Variants in RAB5A observed in about 807,000 individuals in gnomAD.
The protein encoded by RAB5A is RAB5A, member RAS oncogene family, also known as ras-related protein Rab-5A.
In RAB5A, 8 loss-of-function variants were observed where a neutral mutation model predicts 25.7. The ratio of observed to expected loss-of-function variants is 0.31; its 90% CI spans 0.18 to 0.56. The LOEUF is 0.56. Among genes scored for constraint, RAB5A ranks in the 20% least tolerant of loss-of-function variants. The probability of loss-of-function intolerance (pLI) is 0.91; values close to 1 mark genes in which losing one functional copy is unlikely to be tolerated. For missense variants in RAB5A, 192 were observed against 259.7 expected, an observed-to-expected ratio of 0.74 and a Z score of 1.79; for synonymous variants, 98 against 89.8, an observed-to-expected ratio of 1.09 and a Z score of -0.52.
rs184391614 is a variant in RAB5A, at chr3:19,976,172, A to G, written c.438+3A>G. 1.9e-5 allele frequency: 30 copies of G among 1,603,130 alleles called. No homozygotes were observed. The East Asian group carries it at 6.3e-4, about 34-fold the overall frequency. ...ATAAAAGAGCAGTAGATTTCCAGGT[A>G]TGTTAAATTTAACTCTCATTTGAAA... is the stretch of plus-strand genomic sequence containing the variant. On this transcript the variant is annotated splice_donor_region_variant and intron_variant, in intron 4 of 5. Coordinates refer to ENST00000273047, the MANE Select transcript of RAB5A (RefSeq NM_004162.5).
rs3736124 is a variant in RAB5A at position 19,983,931 on chromosome 3, T to C, written c.*108T>C. The C allele has an allele frequency of 3.5e-3, 2,612 of 744,172 alleles. 51 individuals carry two copies. In the East Asian group the frequency reaches 0.045, roughly 13 times the overall value. 46.1% of individuals were successfully genotyped at this position (744,172 alleles called of 1,614,324 possible). On this transcript the variant is annotated 3_prime_UTR_variant, in exon 6 of 6. Coordinates refer to ENST00000273047, the MANE Select transcript of RAB5A (RefSeq NM_004162.5). ...TATGACTTCCAAAAGAAGAGACTTA[T>C]GATAGAGTCAAGTTTCTAATACAGA...
At chr3:19,971,857 T>A (rs1307495743) in intron 2 of RAB5A, among the ~76,000 whole-genome samples, 1 of 152,198 alleles carries the variant, frequency 6.6e-6, no homozygotes, top group Non-Finnish European at 1.5e-5. Context: ...TTGTGAAATA[T>A]CTATTTTTTC....
chr3:19,947,301 A>G lies in RAB5A; in HGVS notation c.-314A>G, dbSNP rs1394785887. 2 of 173,658 alleles carry G rather than the reference A, an allele frequency of 1.2e-5. No homozygotes were observed. Among genetic ancestry groups the G allele is most frequent in the East Asian group, 1.8e-4 (1 of 5,464 alleles). The allele number at this position is 173,658 out of a possible 1,614,324, so 10.8% of individuals were successfully genotyped here. Reference sequence around the variant, plus strand: ...CGGCGGCGGCGGAGGAGGAGAAAGGAAAGAGGAAGGGGGAGCGGCGAGAGG... The same window carrying G: ...CGGCGGCGGCGGAGGAGGAGAAAGGGAAGAGGAAGGGGGAGCGGCGAGAGG... On this transcript the variant is annotated 5_prime_UTR_variant, in exon 1 of 6. Coordinates refer to ENST00000273047, the MANE Select transcript of RAB5A (RefSeq NM_004162.5).
intron 2 of RAB5A, among the ~76,000 whole-genome samples, chr3:19,953,903 A>G (rs891011258): frequency 5.9e-5 from 9 of 152,230 alleles, no homozygotes; most frequent in African/African-American, 9.6e-5. Flanking sequence ...GAGCTATTTC[A>G]TGATCAACCT....
intron 1 of RAB5A, among the ~76,000 whole-genome samples, chr3:19,949,754 T>C (rs2125177077): frequency 6.6e-6 from 1 of 152,286 alleles, no homozygotes; most frequent in South Asian, 2.1e-4. Context: ...TAAAAAATAA[T>C]GGCCTGCAGG....
At chr3:19,975,174 TGA>T (rs1696805191) in intron 2 of RAB5A, among the ~76,000 whole-genome samples, 1 of 148,286 alleles carries the variant, frequency 6.7e-6, no homozygotes, top group Non-Finnish European at 1.5e-5. Flanking sequence ...TGCAGTGAGC[TGA>T]GATCACGCCC....
chr3:19,962,506 T>G (rs1575070588), intron 2 of RAB5A, among the ~76,000 whole-genome samples: 1 of 151,888 alleles, frequency 6.6e-6, no homozygotes, highest in Non-Finnish European at 1.5e-5. Flanking sequence ...GAGGTGGAGG[T>G]TGTGGTAAGC....
chr3:19,970,132 C>G (rs1432469946), intron 2 of RAB5A, among the ~76,000 whole-genome samples: 1 of 151,256 alleles, frequency 6.6e-6, no homozygotes, highest in Admixed American at 6.6e-5. Context: ...GAATTCCAGA[C>G]CTTGTGATCC....
intron 2 of RAB5A, among the ~76,000 whole-genome samples, chr3:19,954,516 T>C (rs1054834635): frequency 6.6e-6 from 1 of 152,194 alleles, no homozygotes; most frequent in African/African-American, 2.4e-5. Context: ...TACAATAACT[T>C]GATTTACGAA....
intron 5 of RAB5A, among the ~76,000 whole-genome samples, chr3:19,979,467 A>G (rs1305350153): frequency 1.3e-5 from 2 of 150,468 alleles, no homozygotes; most frequent in East Asian, 3.9e-4. Context: ...TTGTATTTTT[A>G]GTAGAGACGG....
chr3:19,949,565 T>TC (rs1291574515), intron 1 of RAB5A, among the ~76,000 whole-genome samples: 3 of 152,160 alleles, frequency 2.0e-5, no homozygotes, highest in Non-Finnish European at 4.4e-5. Flanking sequence ...AGAGAGGGAA[T>TC]CATCAGGTTT....
In RAB5A at chr3:19,983,799, C is replaced by A; in HGVS notation, c.624C>A (p.Thr208=). ...ACCTTACCGAACCCACACAACCAAC[C>A]AGGAATCAGTGTTGTAGTAACTAAA... ...GVDLTEPTQP[T]RNQCCSN is the part of the protein sequence containing the mutation. The change falls in exon 6 of 6, where the codon ACC becomes ACA. Residue 208 remains threonine, a synonymous_variant. Transcript: ENST00000273047. The A allele has an allele frequency of 1.2e-6, 2 of 1,608,392 alleles. No individual in the cohort carries two copies. Among genetic ancestry groups the A allele is most frequent in the Non-Finnish European group, 1.7e-6 (2 of 1,175,602 alleles).
intron 2 of RAB5A, among the ~76,000 whole-genome samples, chr3:19,969,794 G>A (rs1696718246): frequency 6.6e-6 from 1 of 152,030 alleles, no homozygotes; most frequent in Non-Finnish European, 1.5e-5. Context: ...GTTATGGGGT[G>A]GCGGTTACTT....
At chr3:19,969,031 G>GTTTTTTTT (rs1162365486) in intron 2 of RAB5A, among the ~76,000 whole-genome samples, 14 of 99,738 alleles carry the variant, frequency 1.4e-4, no homozygotes, top group Middle Eastern at 0.01. Flanking sequence ...TTTGGTTTTG[G>GTTTTTTTT]TTTTTTTTTT....
In RAB5A at chr3:19,983,924, A is replaced by T. The variant is rs1471589183; in HGVS notation, c.*101A>T. ...AGCCCAGTATGACTTCCAAAAGAAG[A>T]GACTTATGATAGAGTCAAGTTTCTA... On this transcript the variant is annotated 3_prime_UTR_variant, in exon 6 of 6. Coordinates refer to ENST00000273047, the MANE Select transcript of RAB5A (RefSeq NM_004162.5). 1.9e-5 allele frequency: 15 copies of T among 794,160 alleles called. No individual in the cohort carries two copies. Among genetic ancestry groups the T allele is most frequent in the Non-Finnish European group, 3.1e-5 (15 of 490,630 alleles). 49.2% of individuals were successfully genotyped at this position (794,160 alleles called of 1,614,324 possible).
chr3:19,964,814 G>C (rs908489997), intron 2 of RAB5A, among the ~76,000 whole-genome samples: 1 of 152,152 alleles, frequency 6.6e-6, no homozygotes, highest in Admixed American at 6.5e-5. Context: ...GTTTCACCAT[G>C]TTGGCCGGGC....
chr3:19,970,219 A>C (rs1490967221), intron 2 of RAB5A, among the ~76,000 whole-genome samples: 1 of 152,104 alleles, frequency 6.6e-6, no homozygotes, highest in African/African-American at 2.4e-5. Flanking sequence ...TTTAATTATT[A>C]ATCTTTGGTT....
chr3:19,968,931 T>A (rs1053354080), intron 2 of RAB5A, among the ~76,000 whole-genome samples: 2 of 152,212 alleles, frequency 1.3e-5, no homozygotes, highest in Non-Finnish European at 2.9e-5. Flanking sequence ...ATTAGCATTT[T>A]CTTGCCTTTG....
chr3:19,961,602 T>G (rs1189951309), intron 2 of RAB5A, among the ~76,000 whole-genome samples: 1 of 152,214 alleles, frequency 6.6e-6, no homozygotes, highest in Non-Finnish European at 1.5e-5. Context: ...TTTTATGCCA[T>G]CATCATGTGT....
Sources: gnomAD v4.1 joint callset for allele counts (sites outside exome capture counted in the v4.1 genomes callset) on GRCh38, gnomAD v4.1.1 for gene constraint, MANE v1.5 for transcripts, NCBI Gene and HGNC (gene_info 2026-07-23, HGNC 2026-07-21) for gene names.